HCRTR2: variants seen among roughly 807,000 people sequenced by gnomAD.
The protein encoded by HCRTR2 is hypocretin receptor 2, also known as orexin receptor type 2.
HCRTR2 carries 22 observed loss-of-function variants against 49.0 expected under a neutral mutation model. The ratio of observed to expected loss-of-function variants is 0.45; its 90% CI spans 0.32 to 0.64. HCRTR2 has a LOEUF of 0.64. HCRTR2 is among the 30% of genes least tolerant of loss of function. The pLI is 0.04. For synonymous variants in HCRTR2, 236 were observed against 205.3 expected, an observed-to-expected ratio of 1.15 and a Z score of -1.28; for missense variants, 491 against 559.4, an observed-to-expected ratio of 0.88 and a Z score of 1.23.
chr6:55,240,289 C>T (rs1159543753), intron 1 of HCRTR2, among the ~76,000 whole-genome samples: 4 of 124,472 alleles, frequency 3.2e-5, no homozygotes, highest in African/African-American at 1.2e-4. Context: ...ACCCGGGAGG[C>T]GGAGCTTGCA....
At chr6:55,273,832 G>C (rs1308922305) in intron 4 of HCRTR2, among the ~76,000 whole-genome samples, 1 of 151,648 alleles carries the variant, frequency 6.6e-6, no homozygotes. Flanking sequence ...CCCTTGCCCA[G>C]GTACTTTTTA....
chr6:55,254,330 G>C (rs1766608552), intron 2 of HCRTR2, among the ~76,000 whole-genome samples: 2 of 152,104 alleles, frequency 1.3e-5, no homozygotes, highest in African/African-American at 4.8e-5. Flanking sequence ...GTATAAGAGA[G>C]CACATTGAAC....
chr6:55,168,161 A>G (rs890420745), intron 1 of HCRTR2, among the ~76,000 whole-genome samples: 8 of 152,228 alleles, frequency 5.3e-5, no homozygotes, highest in African/African-American at 1.9e-4. Flanking sequence ...GAAAACATTT[A>G]TGCCCTTAGG....
chr6:55,123,164 TA>T (rs1016801731), intron 1 of HCRTR2, among the ~76,000 whole-genome samples: 13 of 151,442 alleles, frequency 8.6e-5, no homozygotes, highest in African/African-American at 3.1e-4. Flanking sequence ...AATTAAAAGT[TA>T]AAAAAAGGAG....
intron 1 of HCRTR2, among the ~76,000 whole-genome samples, chr6:55,128,534 T>G (rs555899672): frequency 1.3e-5 from 2 of 152,214 alleles, no homozygotes; most frequent in African/African-American, 2.4e-5. Context: ...TTTAACAACA[T>G]TGAATCTTCC....
At chr6:55,174,291 A>G (rs1764994138), upstream of HCRTR2, 4 of 447,114 alleles carry the variant, frequency 8.9e-6, no homozygotes, top group Admixed American at 1.4e-4. Context: ...GCTTCAGCTG[A>G]GCCGGACGTA....
chr6:55,215,477 G>A (rs892898812), intron 1 of HCRTR2, among the ~76,000 whole-genome samples: 2 of 151,950 alleles, frequency 1.3e-5, no homozygotes, highest in South Asian at 2.1e-4. Flanking sequence ...CAACACAAAA[G>A]CATATAAAAG....
chr6:55,257,289 C>T (rs533100967), intron 3 of HCRTR2, among the ~76,000 whole-genome samples: 1 of 151,932 alleles, frequency 6.6e-6, no homozygotes. Flanking sequence ...GTATTAAACT[C>T]GAGACTAAAT....
intron 1 of HCRTR2, among the ~76,000 whole-genome samples, chr6:55,221,568 C>T (rs1030335497): frequency 1.3e-5 from 2 of 151,792 alleles, no homozygotes; most frequent in Non-Finnish European, 2.9e-5. Flanking sequence ...AATCCCAGCA[C>T]TTTGGGAGGC....
chr6:55,252,912 A>G (rs1389452707), intron 2 of HCRTR2, among the ~76,000 whole-genome samples: 6 of 152,076 alleles, frequency 3.9e-5, no homozygotes, highest in Non-Finnish European at 5.9e-5. Context: ...GTAAACACAC[A>G]GCACTTATAT....
intron 1 of HCRTR2, among the ~76,000 whole-genome samples, chr6:55,136,037 T>A (rs549760513): frequency 6.6e-6 from 1 of 152,180 alleles, no homozygotes; most frequent in Non-Finnish European, 1.5e-5. Flanking sequence ...AAAGGAAATA[T>A]CTAATTAGTG....
In HCRTR2 at chr6:55,223,483, C is replaced by T. The variant is rs564030767; in HGVS notation, c.224-25156C>T. On this transcript the variant is annotated intron_variant, in intron 1 of 6. Coordinates refer to ENST00000370862, the MANE Select transcript of HCRTR2 (RefSeq NM_001384272.1). ...GAAGAAATTTCCTTTGTTTGGTGTTCTTTGACCCTAATTAGCATTTAGGAA... is the reference window on the plus strand; with the variant it reads ...GAAGAAATTTCCTTTGTTTGGTGTTTTTTGACCCTAATTAGCATTTAGGAA... 4.6e-5 allele frequency among the ~76,000 whole-genome samples: 7 copies of T among 152,108 alleles called. No individual in the cohort carries two copies. In the South Asian group the frequency reaches 1.2e-3, roughly 27 times the overall value.
intron 3 of HCRTR2, among the ~76,000 whole-genome samples, chr6:55,258,264 T>G (rs1377564422): frequency 6.6e-6 from 1 of 152,140 alleles, no homozygotes; most frequent in Non-Finnish European, 1.5e-5. Context: ...TTATTCTAAG[T>G]TAAATCAATA....
At chr6:55,161,566 C>T (rs1288875161) in intron 1 of HCRTR2, among the ~76,000 whole-genome samples, 1 of 151,462 alleles carries the variant, frequency 6.6e-6, no homozygotes, top group Non-Finnish European at 1.5e-5. Flanking sequence ...AAAAGATTAA[C>T]AAAATAGATA....
At chr6:55,240,383 A>G (rs1306704389) in intron 1 of HCRTR2, among the ~76,000 whole-genome samples, 3 of 145,876 alleles carry the variant, frequency 2.1e-5, no homozygotes, top group Admixed American at 6.8e-5. Context: ...AAAAAAAAAA[A>G]AGAGTTTTAT....
At chr6:55,147,750 T>C (rs1253630678) in intron 1 of HCRTR2, among the ~76,000 whole-genome samples, 1 of 152,204 alleles carries the variant, frequency 6.6e-6, no homozygotes, top group Non-Finnish European at 1.5e-5. Flanking sequence ...ATATAGTTAC[T>C]TGCAATAAGA....
intron 2 of HCRTR2, among the ~76,000 whole-genome samples, chr6:55,250,128 A>G (rs535358292): frequency 6.6e-6 from 1 of 152,276 alleles, no homozygotes; most frequent in Admixed American, 6.5e-5. Flanking sequence ...GTAAGTGGAA[A>G]ATACTATAGA....
intron 1 of HCRTR2, among the ~76,000 whole-genome samples, chr6:55,123,839 C>T (rs1032496557): frequency 6.6e-6 from 1 of 152,108 alleles, no homozygotes; most frequent in Non-Finnish European, 1.5e-5. Context: ...TTGACTTCTT[C>T]CTGGTTTAAA....
chr6:55,271,575 C>G (rs1766973195), intron 4 of HCRTR2, among the ~76,000 whole-genome samples: 1 of 151,988 alleles, frequency 6.6e-6, no homozygotes, highest in Non-Finnish European at 1.5e-5. Flanking sequence ...CAAACTGCAC[C>G]ATTAAAAACG....
Sources: gnomAD v4.1 joint callset for allele counts (sites outside exome capture counted in the v4.1 genomes callset) on GRCh38, gnomAD v4.1.1 for gene constraint, MANE v1.5 for transcripts, NCBI Gene and HGNC (gene_info 2026-07-23, HGNC 2026-07-21) for gene names.